PHLPP1: variants seen among roughly 807,000 people sequenced by gnomAD.
PHLPP1 encodes PH domain and leucine rich repeat protein phosphatase 1.
A neutral mutation model predicts 117.2 loss-of-function variants in PHLPP1; 42 were observed. The ratio of observed to expected loss-of-function variants is 0.36; its 90% CI spans 0.28 to 0.46. The LOEUF is 0.46. PHLPP1 is among the 20% of genes least tolerant of loss of function. PHLPP1 has a pLI of 1.00. For synonymous variants in PHLPP1, 1,042 were observed against 970.7 expected (o/e 1.07, Z -1.37); for missense variants, 2,084 against 2,241.9 (o/e 0.93, Z 1.42).
At chr18:62,940,033 G>A (rs1238078786) in intron 10 of PHLPP1, among the ~76,000 whole-genome samples, 2 of 152,074 alleles carry the variant, frequency 1.3e-5, no homozygotes, top group African/African-American at 4.8e-5. Flanking sequence ...AGGCATGGGA[G>A]ATTTCACCCT....
chr18:62,837,167 T>A (rs1313613029), intron 2 of PHLPP1, among the ~76,000 whole-genome samples: 1 of 152,100 alleles, frequency 6.6e-6, no homozygotes, highest in Non-Finnish European at 1.5e-5. Flanking sequence ...TGTTTTTCTG[T>A]TTTTTGTAGA....
intron 4 of PHLPP1, among the ~76,000 whole-genome samples, chr18:62,881,609 G>A (rs1391588845): frequency 6.6e-6 from 1 of 152,152 alleles, no homozygotes; most frequent in Non-Finnish European, 1.5e-5. Context: ...AGGATGATTT[G>A]TTTATTTTGG....
intron 1 of PHLPP1, among the ~76,000 whole-genome samples, chr18:62,742,965 T>C (rs1005094263): frequency 6.6e-6 from 1 of 152,208 alleles, no homozygotes; most frequent in African/African-American, 2.4e-5. Flanking sequence ...GTGTGTTCTC[T>C]TAATACTTTA....
At chr18:62,744,054 G>A (rs1371936607) in intron 1 of PHLPP1, among the ~76,000 whole-genome samples, 1 of 152,204 alleles carries the variant, frequency 6.6e-6, no homozygotes, top group Admixed American at 6.5e-5. Context: ...GGTGTGTTTT[G>A]TTTGGTAGGC....
intron 1 of PHLPP1, among the ~76,000 whole-genome samples, chr18:62,808,565 T>TTTTTTTTTTTTTTTTTTTTTTTTTTA (rs747889895): frequency 6.6e-5 from 10 of 150,802 alleles, no homozygotes; most frequent in South Asian, 6.4e-4. Context: ...TTGTTTTTTT[T>TTTTTTTTTTTTTTTTTTTTTTTTTTA]TTTTGAGACG....
intron 1 of PHLPP1, among the ~76,000 whole-genome samples, chr18:62,783,371 G>A (rs1284960265): frequency 1.3e-5 from 2 of 151,876 alleles, no homozygotes; most frequent in African/African-American, 4.8e-5. Flanking sequence ...GGGACTACAG[G>A]TGCCCGCCAC....
intron 12 of PHLPP1, among the ~76,000 whole-genome samples, chr18:62,956,894 C>G (rs1391813286): frequency 6.6e-5 from 10 of 152,042 alleles, no homozygotes; most frequent in African/African-American, 1.9e-4. Context: ...TCATTTTACC[C>G]AATCTCTACC....
Position 62,895,841 on chromosome 18 carries a change from C to T in PHLPP1, c.2274C>T (p.Asn758=), listed in dbSNP as rs771848274. 13 of 1,613,588 alleles carry T rather than the reference C, an allele frequency of 8.1e-6. No homozygotes were observed. The highest frequency in any genetic ancestry group is 1.7e-5 in the Admixed American group (1 of 60,002). ...AATCCCTTCCTGCTGAGTTGGAGAA[C>T]ATGAAGCAGCTTAGTTATCTGGGTC... ...FLQSLPAELE[N]MKQLSYLGLS... is the part of the protein sequence containing the mutation. Residue 758 remains asparagine, a synonymous_variant, in exon 6 of 17, where the codon AAC becomes AAT. Transcript: ENST00000262719.
chr18:62,866,880 C>T lies in PHLPP1; in HGVS notation c.2066+6279C>T, dbSNP rs933337891. The stretch of plus-strand genomic sequence containing the variant: ...GCTCCCATCCCTCTACTGCACACAC[C>T]CTCTCTCCCCAGCTGTTATAGTAAA... On this transcript the variant is annotated intron_variant, in intron 4 of 16. Transcript: ENST00000262719. Among the ~76,000 whole-genome samples the T allele has an allele frequency of 1.8e-4, 28 of 151,942 alleles. 1 individual carries two copies. The highest frequency in any genetic ancestry group is 2.9e-5 in the Non-Finnish European group (2 of 68,010).
intron 10 of PHLPP1, among the ~76,000 whole-genome samples, chr18:62,931,652 T>C (rs1192954316): frequency 1.3e-5 from 2 of 150,700 alleles, no homozygotes; most frequent in African/African-American, 4.9e-5. Flanking sequence ...CCCAGCACTT[T>C]GGGAGGCTGA....
At chr18:62,929,712 C>G (rs952270709) in intron 10 of PHLPP1, among the ~76,000 whole-genome samples, 2 of 152,106 alleles carry the variant, frequency 1.3e-5, no homozygotes, top group Non-Finnish European at 2.9e-5. Flanking sequence ...CTTTGGGAGG[C>G]CAAAGCAGGA....
At chr18:62,945,392 A>C (rs532947262) in intron 12 of PHLPP1, 121 bp downstream of exon 12, 5 of 748,660 alleles carry the variant, frequency 6.7e-6, no homozygotes, top group Admixed American at 3.4e-5. Flanking sequence ...GGCCCCCATT[A>C]GCCCTTACTT....
At chr18:62,733,043 AT>A (rs1332258711) in intron 1 of PHLPP1, among the ~76,000 whole-genome samples, 2 of 152,246 alleles carry the variant, frequency 1.3e-5, no homozygotes, top group African/African-American at 4.8e-5. Flanking sequence ...ACAACAAATA[AT>A]TTAGAATATT....
chr18:62,806,387 C>A (rs1345415744), intron 1 of PHLPP1, among the ~76,000 whole-genome samples: 1 of 152,136 alleles, frequency 6.6e-6, no homozygotes, highest in East Asian at 1.9e-4. Flanking sequence ...GTGATTTATG[C>A]TTGTTCTTTT....
At chr18:62,852,802 C>A (rs1599083359) in intron 3 of PHLPP1, among the ~76,000 whole-genome samples, 1 of 152,294 alleles carries the variant, frequency 6.6e-6, no homozygotes, top group East Asian at 1.9e-4. Context: ...GCAAAATCAT[C>A]ACATTAATGT....
Position 62,919,980 on chromosome 18 carries a change from C to T in PHLPP1, c.2826C>T (p.Leu942=), listed in dbSNP as rs770458915. The T allele has an allele frequency of 6.2e-7, 1 of 1,602,728 alleles. No individual in the cohort carries two copies. The change falls in exon 10 of 17, where the codon CTC becomes CTT. Residue 942 remains leucine, a synonymous_variant. Coordinates refer to ENST00000262719, the MANE Select transcript of PHLPP1 (RefSeq NM_194449.4). ...LPARLFCNSS[L]RKLLAGHNQL... ...ACAGCTTATTTTGTAATAGCAGTCT[C>T]CGGAAACTACTGGCAGGACACAACC...
intron 16 of PHLPP1, among the ~76,000 whole-genome samples, chr18:62,976,117 C>T (rs1210655436): frequency 6.6e-6 from 1 of 152,210 alleles, no homozygotes; most frequent in African/African-American, 2.4e-5. Flanking sequence ...TACCTCATGT[C>T]CCATTTGAGT....
intron 8 of PHLPP1, among the ~76,000 whole-genome samples, chr18:62,912,505 C>G (rs1168688329): frequency 6.6e-6 from 1 of 151,916 alleles, no homozygotes; most frequent in Non-Finnish European, 1.5e-5. Context: ...CCCACTCCTC[C>G]CACCCCCCAG....
At chr18:62,877,082 C>G (rs888737097) in intron 4 of PHLPP1, among the ~76,000 whole-genome samples, 3 of 152,100 alleles carry the variant, frequency 2.0e-5, no homozygotes, top group Non-Finnish European at 4.4e-5. Context: ...TCAAGTACCT[C>G]TCTTCTTAGA....
Sources: gnomAD v4.1 joint callset for allele counts (sites outside exome capture counted in the v4.1 genomes callset) on GRCh38, gnomAD v4.1.1 for gene constraint, MANE v1.5 for transcripts, NCBI Gene and HGNC (gene_info 2026-07-23, HGNC 2026-07-21) for gene names.